Variants in AP1G1 observed in about 807,000 individuals in gnomAD.
AP1G1 encodes AP-1 complex subunit gamma-1.
In AP1G1, 7 loss-of-function variants were observed where a neutral mutation model predicts 108.3. The ratio of observed to expected loss-of-function variants is 0.06; its 90% confidence interval spans 0.04 to 0.12. AP1G1 has a LOEUF of 0.12. Ranked by LOEUF, AP1G1 falls within the 10% of genes least tolerant of loss-of-function variation. The probability of loss-of-function intolerance (pLI) is 1.00; values close to 1 mark genes in which losing one functional copy is unlikely to be tolerated. For missense variants in AP1G1, 756 were observed against 1,010.7 expected (o/e 0.75, Z 3.42); for synonymous variants, 379 against 353.5 (o/e 1.07, Z -0.81).
chr16:71,781,821 G>T (rs926199308), intron 2 of AP1G1, among the ~76,000 whole-genome samples: 2 of 152,132 alleles, frequency 1.3e-5, no homozygotes, highest in African/African-American at 4.8e-5. Context: ...TTTGTATACT[G>T]GAAAATTTAT....
chr16:71,805,636 A>C (rs1158305026), intron 1 of AP1G1, among the ~76,000 whole-genome samples: 3 of 152,212 alleles, frequency 2.0e-5, no homozygotes, highest in Non-Finnish European at 4.4e-5. Flanking sequence ...TAAGGGGATT[A>C]AGCATTGTGG....
At chr16:71,752,947 T>C (rs181263153) in intron 13 of AP1G1, among the ~76,000 whole-genome samples, 117 of 152,328 alleles carry the variant, frequency 7.7e-4, no homozygotes, top group Non-Finnish European at 1.4e-3. Context: ...GTATTTCCTA[T>C]CAATTATAAA....
chr16:71,793,835 A>C (rs1384209560), intron 1 of AP1G1, among the ~76,000 whole-genome samples: 1 of 152,108 alleles, frequency 6.6e-6, no homozygotes, highest in Non-Finnish European at 1.5e-5. Flanking sequence ...TCAGCTCCCC[A>C]AGTAGCTGGG....
At chr16:71,756,635 A>G (rs1410319958) in intron 11 of AP1G1, among the ~76,000 whole-genome samples, 1 of 152,174 alleles carries the variant, frequency 6.6e-6, no homozygotes, top group Non-Finnish European at 1.5e-5. Context: ...GGTATGCAGA[A>G]AATTCAAATT....
At position 71,774,488 on chromosome 16, in the gene AP1G1, G is replaced by C. The variant is rs375942769; in HGVS notation, c.306C>G (p.Leu102=). 2.7e-4 allele frequency: 438 copies of C among 1,603,250 alleles called. No homozygotes were observed. Among genetic ancestry groups the C allele is most frequent in the Non-Finnish European group, 3.6e-4 (419 of 1,177,542 alleles). The change falls in exon 3 of 23, where the codon CTC becomes CTG. Residue 102 remains leucine (L), a synonymous_variant. Transcript: ENST00000299980. The part of the protein sequence containing the change: ...LLDERQDVHL[L]MTNCIKNDLN... The stretch of plus-strand genomic sequence containing the variant: ...CTTACTTCTTGATACAGTTGGTCAT[G>C]AGAAGATGGACATCTTGTCTTTCAT...
chr16:71,747,997 A>AC (rs1404010771), intron 16 of AP1G1, among the ~76,000 whole-genome samples: 1 of 152,162 alleles, frequency 6.6e-6, no homozygotes, highest in East Asian at 1.9e-4. Flanking sequence ...AACAAACAAA[A>AC]CCCCCTAAAC....
chr16:71,765,340 C>G (rs1217880629), intron 7 of AP1G1, 149 bp downstream of exon 7: 2 of 568,124 alleles, frequency 3.5e-6, no homozygotes, highest in African/African-American at 3.8e-5. Flanking sequence ...TCCTCTTAAT[C>G]TAATATAGAA....
chr16:71,754,325 GAAAGA>G (rs2030664020), intron 12 of AP1G1, among the ~76,000 whole-genome samples: 1 of 144,160 alleles, frequency 6.9e-6, no homozygotes, highest in African/African-American at 2.5e-5. Flanking sequence ...AAAAGAGAGA[GAAAGA>G]AAAGAAAGAA....
chr16:71,777,264 A>T (rs2031821351), intron 2 of AP1G1, among the ~76,000 whole-genome samples: 1 of 150,760 alleles, frequency 6.6e-6, no homozygotes, highest in African/African-American at 2.4e-5. Context: ...ATGAGGCAGG[A>T]CATGAGGCTA....
chr16:71,733,029 G>A lies in AP1G1; in HGVS notation c.*29C>T. 6.4e-7 allele frequency: 1 copy of A among 1,566,442 alleles called. No homozygotes were observed. The highest frequency in any genetic ancestry group is 8.8e-7 in the Non-Finnish European group (1 of 1,139,002). ...TTCCCAGAGTTCCTTTGATTGAGTGGGATAAAGAATGAGAATGGTGCCAAA... is the reference window on the plus strand; with the variant it reads ...TTCCCAGAGTTCCTTTGATTGAGTGAGATAAAGAATGAGAATGGTGCCAAA... On this transcript the variant is annotated 3_prime_UTR_variant, in exon 23 of 23. Coordinates refer to ENST00000299980, the MANE Select transcript of AP1G1 (RefSeq NM_001128.6).
At chr16:71,798,396 T>C (rs2032661994) in intron 1 of AP1G1, among the ~76,000 whole-genome samples, 1 of 152,048 alleles carries the variant, frequency 6.6e-6, no homozygotes, top group Non-Finnish European at 1.5e-5. Context: ...AGACAAGGTT[T>C]CACCTTGTTA....
rs79555311 is a variant in AP1G1 at position 71,774,605 on chromosome 16, A to G, written c.202-13T>C. ...TGAGGCACTCCAACTGCAAAAAAAG[A>G]AAAAAAAAAAGAAGGAAATTAAAAC... On this transcript the variant is annotated splice_polypyrimidine_tract_variant and intron_variant, in intron 2 of 22. Coordinates refer to ENST00000299980, the MANE Select transcript of AP1G1 (RefSeq NM_001128.6). 1 of 936,542 alleles carries G rather than the reference A, an allele frequency of 1.1e-6. No homozygotes were observed. The highest frequency in any genetic ancestry group is 1.5e-6 in the Non-Finnish European group (1 of 684,646). 58.0% of individuals were successfully genotyped at this position (936,542 alleles called of 1,614,324 possible).
At chr16:71,759,037 AT>A in intron 10 of AP1G1, 116 bp from the exon 11 acceptor site, 1 of 633,748 alleles carries the variant, frequency 1.6e-6, no homozygotes. Flanking sequence ...ATACATTTTT[AT>A]TTAAAAGAAA....
rs114554356 is a variant in AP1G1, at chr16:71,794,574, C to G, written c.-3-5092G>C. On this transcript the variant is annotated intron_variant, in intron 1 of 22. Coordinates refer to ENST00000299980, the MANE Select transcript of AP1G1 (RefSeq NM_001128.6). ...CATAAAATTCATTTTAGAAAAATTTCTATCCAAAATGGTTAAGCAAAATTG... is the reference window on the plus strand; with the variant it reads ...CATAAAATTCATTTTAGAAAAATTTGTATCCAAAATGGTTAAGCAAAATTG... 4.6e-3 allele frequency among the ~76,000 whole-genome samples: 702 copies of G among 152,028 alleles called. 5 individuals carry two copies. The highest frequency in any genetic ancestry group is 0.016 in the African/African-American group (657 of 41,508).
chr16:71,741,107 G>C lies in AP1G1; in HGVS notation c.2000-1766C>G, dbSNP rs76461771. Among the ~76,000 whole-genome samples the C allele has an allele frequency of 1.8e-4, 28 of 152,228 alleles. 1 individual carries two copies. In the East Asian group the frequency reaches 5.4e-3, roughly 29 times the overall value. ...CGAAGAAGAAGCATAAGGAAATTCA[G>C]TAAAATTAAGAGAATGTATTTAATA... is the stretch of plus-strand genomic sequence containing the variant. On this transcript the variant is annotated intron_variant, in intron 19 of 22. Transcript: ENST00000299980.
chr16:71,801,875 T>C (rs894793786), intron 1 of AP1G1, among the ~76,000 whole-genome samples: 2 of 150,000 alleles, frequency 1.3e-5, no homozygotes, highest in Non-Finnish European at 3.0e-5. Context: ...TGAGCCGAGA[T>C]TGCGCCACTG....
intron 1 of AP1G1, 123 bp from the exon 2 acceptor site, chr16:71,789,605 AGC>A: frequency 1.0e-6 from 1 of 970,414 alleles, no homozygotes; most frequent in East Asian, 2.6e-5. Flanking sequence ...AATCCAGCTT[AGC>A]GAAGCTAAAC....
chr16:71,805,783 T>C (rs979823632), intron 1 of AP1G1, among the ~76,000 whole-genome samples: 5 of 152,168 alleles, frequency 3.3e-5, no homozygotes, highest in South Asian at 2.1e-4. Context: ...ACCTGTAATC[T>C]CAGCACTTTG....
chr16:71,753,677 T>A (rs1217700577), intron 13 of AP1G1, 156 bp downstream of exon 13: 4 of 707,962 alleles, frequency 5.7e-6, no homozygotes, highest in Non-Finnish European at 1.0e-5. Context: ...TCCTCCATGC[T>A]GCTTTAGGTT....
Sources: gnomAD v4.1 joint callset for allele counts (sites outside exome capture counted in the v4.1 genomes callset) on GRCh38, gnomAD v4.1.1 for gene constraint, MANE v1.5 for transcripts, NCBI Gene and HGNC (gene_info 2026-07-23, HGNC 2026-07-21) for gene names.